The following SLC8A1 variants were observed in gnomAD, a reference collection of about 807,000 sequenced individuals.
The protein encoded by SLC8A1 is sodium/calcium exchanger 1.
Under a neutral mutation model 68.3 loss-of-function variants are expected in SLC8A1, and 18 were observed. The ratio of observed to expected loss-of-function variants is 0.26; its 90% CI spans 0.18 to 0.39. The LOEUF (loss-of-function observed/expected upper bound fraction) is 0.39. Among genes scored for constraint, SLC8A1 ranks in the 10% least tolerant of loss-of-function variants. The pLI is 1.00. For missense variants in SLC8A1, 985 were observed against 1,156.7 expected, an observed-to-expected ratio of 0.85 and a Z score of 2.15; for synonymous variants, 475 against 415.5, an observed-to-expected ratio of 1.14 and a Z score of -1.74.
chr2:40,137,671 G>A (rs552806704), intron 7 of SLC8A1, among the ~76,000 whole-genome samples: 1 of 152,038 alleles, frequency 6.6e-6, no homozygotes, highest in East Asian at 1.9e-4. Flanking sequence ...TGGTAACTCT[G>A]GAAAAAGATG....
chr2:40,419,310 G>T (rs1299469155), intron 2 of SLC8A1, among the ~76,000 whole-genome samples: 1 of 152,168 alleles, frequency 6.6e-6, no homozygotes, highest in Non-Finnish European at 1.5e-5. Flanking sequence ...TTTTAATAAA[G>T]AAGCAGCTTG....
At chr2:40,262,144 G>C (rs1326234941) in intron 2 of SLC8A1, among the ~76,000 whole-genome samples, 1 of 152,070 alleles carries the variant, frequency 6.6e-6, no homozygotes, top group African/African-American at 2.4e-5. Flanking sequence ...TGTGTTTTTA[G>C]TAGAGACGGG....
exon 2 of SLC8A1, chr2:40,429,960 T>C (rs147736413): frequency 1.1e-5 from 17 of 1,613,582 alleles, no homozygotes; most frequent in African/African-American, 8.0e-5. Context: ...TTTCTTGAGA[T>C]GTGATGACTT....
At chr2:40,257,133 G>T (rs896821427) in intron 2 of SLC8A1, among the ~76,000 whole-genome samples, 1 of 151,914 alleles carries the variant, frequency 6.6e-6, no homozygotes, top group Non-Finnish European at 1.5e-5. Flanking sequence ...TAAATATACG[G>T]TCTACTACAA....
intron 2 of SLC8A1, among the ~76,000 whole-genome samples, chr2:40,189,257 C>G (rs1183086519): frequency 6.6e-6 from 1 of 152,170 alleles, no homozygotes; most frequent in Non-Finnish European, 1.5e-5. Context: ...TGGGTTCTTT[C>G]TCACTAAATA....
intron 5 of SLC8A1, 25 bp downstream of exon 8, chr2:40,164,829 T>G (rs773979237): frequency 6.2e-7 from 1 of 1,612,628 alleles, no homozygotes; most frequent in Non-Finnish European, 8.5e-7. Flanking sequence ...GACTGGCTCC[T>G]GGTGGGCAGT....
intron 2 of SLC8A1, among the ~76,000 whole-genome samples, chr2:40,407,633 C>G (rs1422432728): frequency 6.6e-6 from 1 of 152,212 alleles, no homozygotes; most frequent in Non-Finnish European, 1.5e-5. Flanking sequence ...TCCCACAGCT[C>G]TTGGTGCACT....
At chr2:40,159,654 C>G (rs1279852586) in intron 6 of SLC8A1, among the ~76,000 whole-genome samples, 1 of 152,136 alleles carries the variant, frequency 6.6e-6, no homozygotes, top group Non-Finnish European at 1.5e-5. Context: ...GAGTTTACCC[C>G]TCCTTCTATT....
intron 2 of SLC8A1, among the ~76,000 whole-genome samples, chr2:40,221,378 A>C (rs888573621): frequency 6.6e-6 from 1 of 152,206 alleles, no homozygotes; most frequent in African/African-American, 2.4e-5. Flanking sequence ...GATAGAACGT[A>C]TTTCAAAATA....
chr2:40,151,975 A>G (rs1017794544), intron 6 of SLC8A1, among the ~76,000 whole-genome samples: 1 of 152,212 alleles, frequency 6.6e-6, no homozygotes, highest in African/African-American at 2.4e-5. Flanking sequence ...GTGATATCCA[A>G]TTCTCATCAA....
At chr2:40,322,846 ACACAC>A (rs2075367169) in intron 2 of SLC8A1, among the ~76,000 whole-genome samples, 1 of 150,508 alleles carries the variant, frequency 6.6e-6, no homozygotes, top group African/African-American at 2.4e-5. Flanking sequence ...ACACACACAC[ACACAC>A]CACACACACC....
At chr2:40,482,278 C>T (rs1704679663) in intron 1 of SLC8A1, among the ~76,000 whole-genome samples, 1 of 152,146 alleles carries the variant, frequency 6.6e-6, no homozygotes, top group Non-Finnish European at 1.5e-5. Flanking sequence ...ACTTTTCACA[C>T]ATTGCAGGGT....
At chr2:40,429,565 A>C in exon 2 of SLC8A1, 1 of 1,613,770 alleles carries the variant, frequency 6.2e-7, no homozygotes, top group Non-Finnish European at 8.5e-7. Flanking sequence ...AAAGAAGAAG[A>C]AAGTAAGCAA....
rs568203739 is a variant in SLC8A1 at position 40,396,126 on chromosome 2, C to A, written c.1808+32347G>T. ...CACCCTTAAAGGAATGTATCTCTGT[C>A]AGGGTAACAAAAACATTTAATAAAA... On this transcript the variant is annotated intron_variant, in intron 2 of 7. Transcript: ENST00000406785. 1.3e-4 allele frequency among the ~76,000 whole-genome samples: 20 copies of A among 152,242 alleles called. No individual in the cohort carries two copies. In the South Asian group the frequency reaches 3.9e-3, roughly 30 times the overall value.
chr2:40,467,955 C>A (rs1017224548), intron 1 of SLC8A1, among the ~76,000 whole-genome samples: 28 of 152,068 alleles, frequency 1.8e-4, no homozygotes, highest in African/African-American at 6.5e-4. Context: ...TAACTTTAAG[C>A]AAATCACTTC....
intron 2 of SLC8A1, among the ~76,000 whole-genome samples, chr2:40,235,060 C>CT (rs1448421675): frequency 6.6e-6 from 1 of 151,958 alleles, no homozygotes; most frequent in Non-Finnish European, 1.5e-5. Context: ...CTAAAATTCT[C>CT]TTTTTTGGTT....
chr2:40,158,756 T>C (rs554135545), intron 6 of SLC8A1, among the ~76,000 whole-genome samples: 162 of 152,318 alleles, frequency 1.1e-3, no homozygotes, highest in African/African-American at 3.6e-3. Flanking sequence ...TCTAAAGACA[T>C]GTTGCCTCTC....
At chr2:40,178,397 A>G (rs988900973) in intron 2 of SLC8A1, 2 of 1,613,478 alleles carry the variant, frequency 1.2e-6, no homozygotes, top group Admixed American at 3.3e-5. Flanking sequence ...CTTTCTTCTC[A>G]CTCATCTCCA....
chr2:40,255,455 TA>T (rs1051904785), intron 2 of SLC8A1, among the ~76,000 whole-genome samples: 2 of 152,194 alleles, frequency 1.3e-5, no homozygotes, highest in African/African-American at 2.4e-5. Flanking sequence ...AACTATTTTG[TA>T]CAGAGAACAT....
Sources: allele counts gnomAD v4.1 joint callset (sites outside exome capture counted in the v4.1 genomes callset), GRCh38; gene constraint gnomAD v4.1.1; transcripts MANE v1.5; gene names NCBI Gene and HGNC (gene_info 2026-07-23, HGNC 2026-07-21).